Variants in EPB41 observed in about 807,000 individuals in gnomAD.
EPB41 encodes protein 4.1.
A neutral mutation model predicts 108.0 loss-of-function variants in EPB41; 65 were observed. The ratio of observed to expected loss-of-function variants is 0.60; its 90% CI spans 0.49 to 0.74. The LOEUF is 0.74. Among genes scored for constraint, EPB41 ranks in the 30% least tolerant of loss-of-function variants. EPB41 has a pLI of 0.00. For synonymous variants in EPB41, 336 were observed against 358.9 expected, an observed-to-expected ratio of 0.94 and a Z score of 0.72; for missense variants, 875 against 1,037.0, an observed-to-expected ratio of 0.84 and a Z score of 2.15.
intron 1 of EPB41, chr1:28,902,122 G>C: frequency 2.1e-6 from 2 of 957,664 alleles, no homozygotes; most frequent in Non-Finnish European, 2.5e-6. Context: ...TCTGGATCTA[G>C]GAATATTTTG....
chr1:29,099,122 C>T (rs570877126), intron 17 of EPB41, among the ~76,000 whole-genome samples: 21 of 150,408 alleles, frequency 1.4e-4, no homozygotes, highest in Admixed American at 6.6e-4. Flanking sequence ...GCCTGGCCAA[C>T]GTGGTGAAAC....
intron 1 of EPB41, among the ~76,000 whole-genome samples, chr1:28,941,733 T>G (rs1557749940): frequency 6.6e-6 from 1 of 151,612 alleles, no homozygotes; most frequent in African/African-American, 2.4e-5. Flanking sequence ...CCGTCTCTAC[T>G]AAAAATACAA....
chr1:28,901,956 C>A (rs2091361372), intron 1 of EPB41, among the ~76,000 whole-genome samples: 1 of 152,214 alleles, frequency 6.6e-6, no homozygotes, highest in African/African-American at 2.4e-5. Flanking sequence ...TGTTTATTGT[C>A]TCTCCTCGCA....
chr1:28,929,765 CTCAGATGATCTGCCCGCCT>C (rs1252452909), intron 1 of EPB41, among the ~76,000 whole-genome samples: 4 of 145,410 alleles, frequency 2.8e-5, no homozygotes, highest in Non-Finnish European at 6.0e-5. Context: ...AACTCCTGAC[CTCAGATGATCTGCCCGCCT>C]TGGCCTCCCA....
chr1:29,048,407 T>A (rs1643903070), intron 11 of EPB41, among the ~76,000 whole-genome samples: 1 of 151,702 alleles, frequency 6.6e-6, no homozygotes, highest in Admixed American at 6.6e-5. Flanking sequence ...AGAGACGGGG[T>A]TTCTCCATGT....
At chr1:28,936,362 C>T (rs1298127735) in intron 1 of EPB41, among the ~76,000 whole-genome samples, 3 of 152,070 alleles carry the variant, frequency 2.0e-5, no homozygotes, top group South Asian at 4.1e-4. Context: ...ACAGTGTTTT[C>T]ACATATGCAG....
intron 1 of EPB41, among the ~76,000 whole-genome samples, chr1:28,975,956 A>AG (rs2149364462): frequency 2.7e-5 from 4 of 150,878 alleles, no homozygotes; most frequent in African/African-American, 4.9e-5. Context: ...AAAAAAAAAA[A>AG]AAAAAGAAAG....
chr1:28,978,864 C>T (rs2095667590), intron 1 of EPB41, among the ~76,000 whole-genome samples: 1 of 151,490 alleles, frequency 6.6e-6, no homozygotes, highest in South Asian at 2.1e-4. Flanking sequence ...GAGAGTTATA[C>T]CATCAACTTT....
intron 2 of EPB41, among the ~76,000 whole-genome samples, chr1:28,991,630 A>T (rs1448986433): frequency 6.8e-6 from 1 of 147,388 alleles, no homozygotes; most frequent in Non-Finnish European, 1.5e-5. Context: ...TGAGTCTGAG[A>T]GGTCGAGGCT....
intron 12 of EPB41, chr1:29,053,634 A>G (rs1401084295): frequency 4.0e-6 from 1 of 252,164 alleles, no homozygotes; most frequent in Non-Finnish European, 7.8e-6. Flanking sequence ...ATCTTGGCTC[A>G]CTGCAAACTC....
At chr1:28,957,622 C>T (rs903288420) in intron 1 of EPB41, among the ~76,000 whole-genome samples, 14 of 152,144 alleles carry the variant, frequency 9.2e-5, no homozygotes, top group African/African-American at 2.4e-4. Context: ...TCAGGCCTGT[C>T]CCAAACTCCT....
chr1:28,887,338 C>CCTG lies in EPB41; in HGVS notation c.-8+128_-8+129insCTG. ...GAGACCAGGGTCGAAGGGTCCAGGG[C>CCTG]TGAGGGGTCCAGCGGTCCCGAATTC... On this transcript the variant is annotated intron_variant, in intron 1 of 16. Transcript: ENST00000347529. The surrounding 1 kb of genome is among the most constrained non-coding windows in gnomAD (Gnocchi z 4.9). The CCTG allele has an allele frequency of 8.6e-7, 1 of 1,166,440 alleles. No individual in the cohort carries two copies. The highest frequency in any genetic ancestry group is 1.6e-5 in the South Asian group (1 of 61,350). The allele number at this position is 1,166,440 out of a possible 1,614,324, so 72.3% of individuals were successfully genotyped here.
At chr1:28,888,666 C>A (rs965941361) in intron 1 of EPB41, among the ~76,000 whole-genome samples, 3 of 152,194 alleles carry the variant, frequency 2.0e-5, no homozygotes, top group South Asian at 2.1e-4. Flanking sequence ...CTCGCTCTGT[C>A]GCCCAGGCTA....
At chr1:29,043,828 G>A (rs953986871) in intron 11 of EPB41, among the ~76,000 whole-genome samples, 4 of 152,212 alleles carry the variant, frequency 2.6e-5, no homozygotes, top group Non-Finnish European at 5.9e-5. Flanking sequence ...CAGAGTCTGG[G>A]ACAGCCTGGA....
In EPB41 at chr1:28,887,471, A is replaced by G; in HGVS notation, c.-8+261A>G. 1.0e-6 allele frequency: 1 copy of G among 985,142 alleles called. No homozygotes were observed. The allele number at this position is 985,142 out of a possible 1,614,324, so 61.0% of individuals were successfully genotyped here. The stretch of plus-strand genomic sequence containing the variant: ...GGTCCGGGAGCTCGGATCCGGAGCT[A>G]GACACGTCCGGGTCCGGCCGGTCCT... On this transcript the variant is annotated intron_variant, in intron 1 of 16. Coordinates refer to the EPB41 transcript ENST00000347529. The surrounding 1 kb of genome is among the most constrained non-coding windows in gnomAD (Gnocchi z 4.9).
At chr1:29,030,665 A>G (rs1298605229) in intron 8 of EPB41, among the ~76,000 whole-genome samples, 178 bp downstream of exon 8, 1 of 151,962 alleles carries the variant, frequency 6.6e-6, no homozygotes, top group Non-Finnish European at 1.5e-5. Flanking sequence ...AGTCCCAGCT[A>G]CTGGGGAGGC....
At chr1:28,955,323 A>T (rs537443784) in intron 1 of EPB41, among the ~76,000 whole-genome samples, 2 of 151,658 alleles carry the variant, frequency 1.3e-5, no homozygotes, top group East Asian at 3.9e-4. Flanking sequence ...TTTCCTTGAC[A>T]ATCTGATGAT....
At chr1:29,058,518 T>A (rs1573312885) in intron 12 of EPB41, 71 bp from the exon 13 acceptor site, 4 of 1,369,190 alleles carry the variant, frequency 2.9e-6, no homozygotes, top group East Asian at 4.8e-5. Context: ...TGCAGCTTAT[T>A]TGGAAACAAC....
intron 8 of EPB41, among the ~76,000 whole-genome samples, chr1:29,032,148 G>T (rs185361413): frequency 3.3e-5 from 5 of 151,734 alleles, no homozygotes; most frequent in Admixed American, 3.3e-4. Context: ...TTTGGGCTGG[G>T]TACTACAACT....
Sources: allele counts gnomAD v4.1 joint callset (sites outside exome capture counted in the v4.1 genomes callset), GRCh38; gene constraint gnomAD v4.1.1; non-coding constraint Gnocchi (gnomAD v3.1); transcripts MANE v1.5; gene names NCBI Gene and HGNC (gene_info 2026-07-23, HGNC 2026-07-21).